Variants in EPHA5 observed in about 807,000 individuals in gnomAD.
EPHA5 encodes ephrin type-A receptor 5.
EPHA5 carries 60 observed loss-of-function variants against 105.0 expected under a neutral mutation model. The observed-to-expected ratio is 0.57, with a 90% CI of 0.46 to 0.71. The LOEUF is 0.71. Among genes scored for constraint, EPHA5 ranks in the 30% least tolerant of loss-of-function variants. The pLI is 0.00. For synonymous variants in EPHA5, 513 were observed against 449.1 expected (o/e 1.14, Z -1.80); for missense variants, 1,218 against 1,274.7 (o/e 0.96, Z 0.68).
chr4:65,617,645 A>G (rs1454580925), intron 2 of EPHA5, among the ~76,000 whole-genome samples: 1 of 152,006 alleles, frequency 6.6e-6, no homozygotes, highest in Non-Finnish European at 1.5e-5. Context: ...TCTGGCCACT[A>G]TTTTTTTCTT....
intron 3 of EPHA5, among the ~76,000 whole-genome samples, chr4:65,531,403 A>G (rs1363253286): frequency 6.6e-6 from 1 of 152,194 alleles, no homozygotes; most frequent in Non-Finnish European, 1.5e-5. Flanking sequence ...GGTGATCCAG[A>G]AGTCATGCAG....
chr4:65,490,767 A>T, intron 4 of EPHA5, 55 bp from the exon 5 acceptor site: 3 of 1,523,140 alleles, frequency 2.0e-6, no homozygotes, highest in Non-Finnish European at 2.7e-6. Flanking sequence ...TTAATTAGGC[A>T]TTATTTATCA....
chr4:65,567,757 T>G (rs1739703555), intron 3 of EPHA5, among the ~76,000 whole-genome samples: 1 of 151,536 alleles, frequency 6.6e-6, no homozygotes, highest in African/African-American at 2.4e-5. Context: ...ATAGTGAAAC[T>G]CAAAATATGT....
chr4:65,637,738 C>T (rs549183874), intron 2 of EPHA5, among the ~76,000 whole-genome samples: 2 of 151,534 alleles, frequency 1.3e-5, no homozygotes, highest in South Asian at 2.1e-4. Context: ...TTACTTATTC[C>T]GTGTTTATCA....
chr4:65,529,060 T>C (rs984277570), intron 3 of EPHA5, among the ~76,000 whole-genome samples: 1 of 152,170 alleles, frequency 6.6e-6, no homozygotes, highest in Non-Finnish European at 1.5e-5. Context: ...AATTAAAACA[T>C]CTCACAGTTT....
chr4:65,523,515 A>G (rs1451766894), intron 3 of EPHA5, among the ~76,000 whole-genome samples: 4 of 152,038 alleles, frequency 2.6e-5, no homozygotes, highest in African/African-American at 9.7e-5. Context: ...AGGTTCTGAG[A>G]GGAAGAATGT....
At chr4:65,411,499 T>G (rs1722904860) in intron 7 of EPHA5, among the ~76,000 whole-genome samples, 1 of 152,104 alleles carries the variant, frequency 6.6e-6, no homozygotes, top group Non-Finnish European at 1.5e-5. Flanking sequence ...CTCAGGGAAA[T>G]TTTAAAATAA....
intron 8 of EPHA5, among the ~76,000 whole-genome samples, chr4:65,400,579 T>C (rs1053414337): frequency 6.6e-6 from 1 of 152,124 alleles, no homozygotes; most frequent in Non-Finnish European, 1.5e-5. Context: ...TGTGTCTAGG[T>C]AGGAAGATTC....
chr4:65,359,405 T>C (rs1403374340), intron 11 of EPHA5, among the ~76,000 whole-genome samples: 1 of 151,670 alleles, frequency 6.6e-6, no homozygotes, highest in East Asian at 1.9e-4. Context: ...TTCTTTTTAC[T>C]TCTTGAGACT....
At chr4:65,537,943 T>G (rs1736448278) in intron 3 of EPHA5, among the ~76,000 whole-genome samples, 1 of 151,736 alleles carries the variant, frequency 6.6e-6, no homozygotes, top group Non-Finnish European at 1.5e-5. Context: ...TAATCATAAC[T>G]ATGAACACAC....
intron 8 of EPHA5, among the ~76,000 whole-genome samples, chr4:65,385,199 TA>T (rs1210110940): frequency 5.3e-5 from 8 of 151,652 alleles, no homozygotes; most frequent in Non-Finnish European, 8.8e-5. Context: ...TAACATCAAT[TA>T]AAAATATGAG....
At chr4:65,460,049 T>C (rs1023360426) in intron 5 of EPHA5, among the ~76,000 whole-genome samples, 38 of 151,864 alleles carry the variant, frequency 2.5e-4, no homozygotes, top group African/African-American at 8.9e-4. Flanking sequence ...CGTGAGAAAC[T>C]GGAAAATAAT....
At chr4:65,565,981 T>C (rs913824788) in intron 3 of EPHA5, among the ~76,000 whole-genome samples, 4 of 151,714 alleles carry the variant, frequency 2.6e-5, no homozygotes, top group Admixed American at 6.6e-5. Flanking sequence ...ATATTTTATT[T>C]AGTCAATTCA....
intron 2 of EPHA5, among the ~76,000 whole-genome samples, chr4:65,638,466 G>A (rs975335596): frequency 4.6e-5 from 7 of 152,046 alleles, no homozygotes; most frequent in African/African-American, 1.2e-4. Flanking sequence ...GACTGGGCAC[G>A]GTGGCTCATG....
intron 3 of EPHA5, among the ~76,000 whole-genome samples, chr4:65,507,982 T>C (rs751194890): frequency 4.7e-4 from 72 of 152,200 alleles, no homozygotes; most frequent in East Asian, 1.2e-3. Context: ...TACAAGTTGA[T>C]TCAATATCAT....
rs116450522 is a variant in EPHA5, at chr4:65,622,907, T to A, written c.246+20456A>T. On this transcript the variant is annotated intron_variant, in intron 2 of 16. Transcript: ENST00000613740. ...TTTAATTTTTAATAAGAACTGAGTG[T>A]CTGGCACGTCATAAAGAGACTCAGC... Among the ~76,000 whole-genome samples the A allele has an allele frequency of 6.2e-3, 947 of 152,218 alleles. 5 individuals are homozygous for A. The highest frequency in any genetic ancestry group is 0.017 in the South Asian group (81 of 4,832).
intron 2 of EPHA5, among the ~76,000 whole-genome samples, chr4:65,614,819 C>A (rs985065903): frequency 6.6e-6 from 1 of 151,644 alleles, no homozygotes; most frequent in Admixed American, 6.6e-5. Context: ...GTGTTTTAAA[C>A]CTGGGATCTT....
At chr4:65,467,718 T>C (rs1488631843) in intron 5 of EPHA5, among the ~76,000 whole-genome samples, 1 of 152,200 alleles carries the variant, frequency 6.6e-6, no homozygotes, top group Non-Finnish European at 1.5e-5. Context: ...AACATCTGGA[T>C]ATGTAACATT....
intron 3 of EPHA5, among the ~76,000 whole-genome samples, chr4:65,579,501 T>C (rs1741403076): frequency 6.6e-6 from 1 of 151,338 alleles, no homozygotes. Flanking sequence ...CTAATTGCAT[T>C]TGGAACGTTT....
Sources: gnomAD v4.1 joint callset for allele counts (sites outside exome capture counted in the v4.1 genomes callset) on GRCh38, gnomAD v4.1.1 for gene constraint, MANE v1.5 for transcripts, NCBI Gene and HGNC (gene_info 2026-07-23, HGNC 2026-07-21) for gene names.